The following FSCN2 variants were observed in gnomAD, a reference collection of about 807,000 sequenced individuals.
The protein encoded by FSCN2 is fascin actin-bundling protein 2, retinal.
In FSCN2, 46 loss-of-function variants were observed where a neutral mutation model predicts 37.8. That is an observed-to-expected ratio of 1.22 (90% CI 0.96 to 1.56). The LOEUF is 1.56. Among genes scored for constraint, FSCN2 ranks in the 40% most tolerant of loss-of-function variants. FSCN2 has a pLI of 0.00. For synonymous variants in FSCN2, 351 were observed against 309.4 expected, an observed-to-expected ratio of 1.13 and a Z score of -1.41; for missense variants, 844 against 730.4, an observed-to-expected ratio of 1.16 and a Z score of -1.79.
chr17:81,536,884 G>T lies in FSCN2; in HGVS notation c.1283G>T (p.Gly428Val). The T allele has an allele frequency of 6.4e-7, 1 of 1,573,292 alleles. No individual in the cohort carries two copies. The highest frequency in any genetic ancestry group is 8.6e-7 in the Non-Finnish European group (1 of 1,159,326). Residue 428 changes from glycine to valine, a missense_variant, in exon 5 of 5, where the codon GGA becomes GTA. Gly to Val is a moderately radical substitution (Grantham distance 109, BLOSUM62 -3). Coordinates refer to ENST00000417245, the MANE Select transcript of FSCN2 (RefSeq NM_012418.4). The stretch of plus-strand genomic sequence containing the variant: ...CCGTCCCGTCCCCCAGGCCGCGACG[G>T]AGGGTTCTGGTACACGGGCAGCCAC... ...DGAYRIRGRD[G>V]GFWYTGSHGS...
the FSCN2 span, among the ~76,000 whole-genome samples, chr17:81,520,605 G>A: frequency 1.3e-5 from 2 of 152,276 alleles, no homozygotes; most frequent in East Asian, 3.8e-4. Flanking sequence ...GCAGTTTGGT[G>A]AGAGATGGAA....
At chr17:81,532,599 ATGATGG>A (rs1257952353) in intron 1 of FSCN2, among the ~76,000 whole-genome samples, 91 of 141,490 alleles carry the variant, frequency 6.4e-4, no homozygotes, top group East Asian at 8.5e-4. Flanking sequence ...GGTGATGGTG[ATGATGG>A]TGATGGTGAT....
At chr17:81,520,768 T>TA in the FSCN2 span, among the ~76,000 whole-genome samples, 3 of 152,284 alleles carry the variant, frequency 2.0e-5, no homozygotes, top group African/African-American at 7.2e-5. Context: ...CTTGCTGATC[T>TA]AAAACTGCTT....
At chr17:81,532,137 GTGATGA>G (rs1568078723) in intron 1 of FSCN2, among the ~76,000 whole-genome samples, 2 of 137,678 alleles carry the variant, frequency 1.5e-5, no homozygotes, top group Admixed American at 7.2e-5. Flanking sequence ...GATAGTGATG[GTGATGA>G]TGGTGATGGT....
chr17:81,527,240 C>T (rs1211400985), upstream of FSCN2: 1 of 152,418 alleles, frequency 6.6e-6, no homozygotes, highest in Non-Finnish European at 1.5e-5. Flanking sequence ...GAGATGGGCC[C>T]AGGAGGACAG....
upstream of FSCN2, among the ~76,000 whole-genome samples, chr17:81,524,919 A>ACACACACC (rs10677990): frequency 9.4e-3 from 1,342 of 142,426 alleles, 9 homozygotes; most frequent in Non-Finnish European, 0.011. Context: ...ACACACACAC[A>ACACACACC]CCACACTCAC....
the FSCN2 span, among the ~76,000 whole-genome samples, chr17:81,519,382 C>T: frequency 6.6e-6 from 1 of 152,320 alleles, no homozygotes; most frequent in Non-Finnish European, 1.5e-5. Context: ...GCACTTCCCC[C>T]GCCGAGCACT....
upstream of FSCN2, among the ~76,000 whole-genome samples, chr17:81,524,893 T>A (rs868968578): frequency 3.3e-5 from 4 of 122,838 alleles, no homozygotes; most frequent in South Asian, 2.4e-4. Flanking sequence ...ATGAGCACCT[T>A]CACACACACA....
chr17:81,525,754 AC>A (rs1371478113), upstream of FSCN2, among the ~76,000 whole-genome samples: 5 of 152,030 alleles, frequency 3.3e-5, no homozygotes, highest in African/African-American at 1.2e-4. Flanking sequence ...TAATAACCAG[AC>A]TCCCGACATC....
the FSCN2 span, among the ~76,000 whole-genome samples, chr17:81,515,276 G>A: frequency 6.6e-6 from 1 of 152,002 alleles, no homozygotes; most frequent in Non-Finnish European, 1.5e-5. Context: ...CAGGGCAGCC[G>A]CCACCCTTCT....
At chr17:81,532,262 GATA>G (rs1568078953) in intron 1 of FSCN2, among the ~76,000 whole-genome samples, 5 of 145,386 alleles carry the variant, frequency 3.4e-5, no homozygotes, top group Non-Finnish European at 4.5e-5. Flanking sequence ...TGATGATGAT[GATA>G]GTGATGGTGG....
Position 81,536,746 on chromosome 17 carries a change from C to A in FSCN2, c.1230C>A (p.Asp410Glu). Residue 410 changes from aspartate to glutamate, a missense_variant, in exon 4 of 5, where the codon GAC becomes GAA. By Grantham distance (45) the Asp-to-Glu change is conservative. Coordinates refer to ENST00000417245, the MANE Select transcript of FSCN2 (RefSeq NM_012418.4). ...NQLDTNRSVY[D>E]VFHLSFSDGA... ...TGGACACCAACCGCTCCGTCTACGA[C>A]GTCTTCCACCTGAGCTTCAGCGACG... The A allele has an allele frequency of 1.2e-6, 2 of 1,610,056 alleles. No individual in the cohort carries two copies. The highest frequency in any genetic ancestry group is 1.7e-6 in the Non-Finnish European group (2 of 1,178,738).
chr17:81,529,934 C>T (rs1181004778), intron 1 of FSCN2, among the ~76,000 whole-genome samples: 5 of 152,244 alleles, frequency 3.3e-5, no homozygotes, highest in Admixed American at 6.5e-5. Flanking sequence ...CTCAGCCTCC[C>T]GAGTAGCTGG....
chr17:81,536,418 C>T (rs1282651147), intron 3 of FSCN2, 151 bp downstream of exon 3: 7 of 1,444,664 alleles, frequency 4.8e-6, no homozygotes, highest in Non-Finnish European at 6.5e-6. Context: ...GTCAAGATAA[C>T]TCGTCTTGGC....
the FSCN2 span, among the ~76,000 whole-genome samples, chr17:81,521,840 A>G: frequency 3.3e-5 from 5 of 152,244 alleles, no homozygotes; most frequent in East Asian, 7.7e-4. Context: ...ACCACAGAAC[A>G]GTGATCAAAA....
upstream of FSCN2, among the ~76,000 whole-genome samples, chr17:81,526,351 G>A (rs1290353406): frequency 5.3e-5 from 8 of 152,358 alleles, no homozygotes; most frequent in Admixed American, 5.2e-4. Flanking sequence ...CCAACGGGAG[G>A]CCGGGCGCAG....
rs1229279569 is a variant in FSCN2 at position 81,536,939 on chromosome 17, C to G, written c.1338C>G (p.Ala446=). 3 of 1,570,720 alleles carry G rather than the reference C, an allele frequency of 1.9e-6. No homozygotes were observed. The highest frequency in any genetic ancestry group is 2.4e-5 in the East Asian group (1 of 41,108). Residue 446 remains alanine (A), a synonymous_variant, in exon 5 of 5, where the codon GCC becomes GCG. Coordinates refer to ENST00000417245, the MANE Select transcript of FSCN2 (RefSeq NM_012418.4). ...HGSVCSDGER[A]EDFVFEFRER... ...GCGTGTGCAGCGACGGCGAACGCGC[C>G]GAGGACTTCGTCTTCGAGTTCCGTG...
chr17:81,524,919 A>ACACACACACACACC (rs10677990), upstream of FSCN2, among the ~76,000 whole-genome samples: 207 of 142,544 alleles, frequency 1.5e-3, no homozygotes, highest in Admixed American at 2.9e-3. Flanking sequence ...ACACACACAC[A>ACACACACACACACC]CCACACTCAC....
chr17:81,525,567 C>A (rs1299956333), upstream of FSCN2, among the ~76,000 whole-genome samples: 1 of 148,762 alleles, frequency 6.7e-6, no homozygotes, highest in Non-Finnish European at 1.5e-5. Flanking sequence ...CTAAAAAATA[C>A]AAAAAAAATT....
Sources: allele counts gnomAD v4.1 joint callset (sites outside exome capture counted in the v4.1 genomes callset), GRCh38; gene constraint gnomAD v4.1.1; transcripts MANE v1.5; gene names NCBI Gene and HGNC (gene_info 2026-07-23, HGNC 2026-07-21).